MBNL2: variants seen among roughly 807,000 people sequenced by gnomAD.
The protein encoded by MBNL2 is muscleblind-like protein 2.
Under a neutral mutation model 41.9 loss-of-function variants are expected in MBNL2, and 17 were observed. The observed-to-expected ratio is 0.41, with a 90% CI of 0.28 to 0.61. MBNL2 has a LOEUF of 0.61. Ranked by LOEUF, MBNL2 falls within the 20% of genes least tolerant of loss-of-function variation. The pLI is 0.35. For missense variants in MBNL2, 336 were observed against 505.6 expected (o/e 0.66, Z 3.22); for synonymous variants, 195 against 182.9 (o/e 1.07, Z -0.53).
At chr13:97,371,908 G>A (rs1304302883) in intron 8 of MBNL2, among the ~76,000 whole-genome samples, 2 of 152,180 alleles carry the variant, frequency 1.3e-5, no homozygotes, top group African/African-American at 2.4e-5. Context: ...GTGTGGCCTC[G>A]CTGTTTGGAC....
chr13:97,345,670 A>C (rs1489189831), intron 4 of MBNL2, among the ~76,000 whole-genome samples: 2 of 151,960 alleles, frequency 1.3e-5, no homozygotes, highest in African/African-American at 4.8e-5. Context: ...GGTGTCTTAG[A>C]TATTGTTCTT....
chr13:97,241,905 T>C (rs953752554), intron 1 of MBNL2, among the ~76,000 whole-genome samples: 7 of 151,902 alleles, frequency 4.6e-5, no homozygotes, highest in Non-Finnish European at 1.0e-4. Flanking sequence ...TGCAGGAGAG[T>C]GGCATACATC....
the MBNL2 span, among the ~76,000 whole-genome samples, chr13:97,170,473 A>G: frequency 6.6e-6 from 1 of 152,210 alleles, no homozygotes; most frequent in African/African-American, 2.4e-5. Flanking sequence ...GCAGGGATAT[A>G]GACTTATTAC....
chr13:97,370,159 T>C (rs540813868), intron 8 of MBNL2, among the ~76,000 whole-genome samples: 87 of 152,274 alleles, frequency 5.7e-4, no homozygotes, highest in South Asian at 1.5e-3. Context: ...ATTTGATAGA[T>C]GGTAAAACTG....
At chr13:97,241,046 A>C (rs1449856108) in intron 1 of MBNL2, among the ~76,000 whole-genome samples, 1 of 152,196 alleles carries the variant, frequency 6.6e-6, no homozygotes, top group East Asian at 1.9e-4. Context: ...AAACACTCCC[A>C]TTATATCTGC....
rs1448504811 is a variant in MBNL2, at chr13:97,346,464, G to T, written c.541-340G>T. ...TAGATGATAGATATATGGATGGATG[G>T]ATAGACAGACAGACAGATCGATAGA... On this transcript the variant is annotated intron_variant, in intron 4 of 8. Transcript: ENST00000679496. The surrounding 1 kb of genome is among the most constrained non-coding windows in gnomAD (Gnocchi z 4.2). 6.6e-6 allele frequency among the ~76,000 whole-genome samples: 1 copy of T among 152,070 alleles called. No individual in the cohort carries two copies. The highest frequency in any genetic ancestry group is 1.5e-5 in the Non-Finnish European group (1 of 67,966).
chr13:97,210,199 T>C, the MBNL2 span, among the ~76,000 whole-genome samples: 1 of 152,244 alleles, frequency 6.6e-6, no homozygotes, highest in Non-Finnish European at 1.5e-5. Flanking sequence ...AAGTATTAGC[T>C]CAGTGATGTT....
rs2066461424 is a variant in MBNL2, at chr13:97,393,988, T to TAAAG, written c.*2542_*2545dup. 1 of 152,588 alleles carries TAAAG rather than the reference T, an allele frequency of 6.6e-6. No individual in the cohort carries two copies. Among genetic ancestry groups the TAAAG allele is most frequent in the Non-Finnish European group, 1.5e-5 (1 of 68,010 alleles). 9.5% of individuals were successfully genotyped at this position (152,588 alleles called of 1,614,324 possible). On this transcript the variant is annotated 3_prime_UTR_variant, in exon 9 of 9. Transcript: ENST00000679496. ...TTCTACTAAATCTTTCTGTAACACT[T>TAAAG]AAAGAATTCCCTCATTCATTACCTT... is the stretch of plus-strand genomic sequence containing the variant.
At chr13:97,255,647 T>C (rs764312316) in intron 1 of MBNL2, among the ~76,000 whole-genome samples, 1 of 152,256 alleles carries the variant, frequency 6.6e-6, no homozygotes, top group Non-Finnish European at 1.5e-5. Flanking sequence ...CAGCCAAATG[T>C]ATTTCAGAGA....
the MBNL2 span, among the ~76,000 whole-genome samples, chr13:97,207,610 A>G: frequency 3.3e-5 from 5 of 152,200 alleles, no homozygotes; most frequent in Non-Finnish European, 4.4e-5. Flanking sequence ...CCCTCCCACA[A>G]CAGGTGGGAA....
intron 1 of MBNL2, among the ~76,000 whole-genome samples, chr13:97,263,603 A>G (rs1295713040): frequency 6.6e-6 from 1 of 152,178 alleles, no homozygotes; most frequent in African/African-American, 2.4e-5. Context: ...CCTTGGAGCG[A>G]GGAACCAGCC....
At chr13:97,338,182 C>G (rs941113999) in intron 3 of MBNL2, among the ~76,000 whole-genome samples, 1 of 152,106 alleles carries the variant, frequency 6.6e-6, no homozygotes, top group South Asian at 2.1e-4. Context: ...GTGATCTGGT[C>G]ACGACCCTGC....
At position 97,366,516 on chromosome 13, in the gene MBNL2, C is replaced by T; in HGVS notation, c.1048+1345C>T. 6.2e-7 allele frequency: 1 copy of T among 1,613,560 alleles called. No homozygotes were observed. Among genetic ancestry groups the T allele is most frequent in the Non-Finnish European group, 8.5e-7 (1 of 1,179,562 alleles). ...GTCTCTGCAGCAACAACTCCTGCAA[C>T]AAGTGTCCCCTTCGCAGCAACAGCC... On this transcript the variant is annotated intron_variant, in intron 8 of 8. Transcript: ENST00000679496. This position sits in a 1 kb window ranked among gnomAD's most constrained non-coding sequence, Gnocchi z 4.7.
At chr13:97,327,376 A>G (rs2059986866) in intron 2 of MBNL2, among the ~76,000 whole-genome samples, 1 of 151,856 alleles carries the variant, frequency 6.6e-6, no homozygotes, top group African/African-American at 2.4e-5. Context: ...TTCCCCTTTT[A>G]CTAGATTAGG....
At chr13:97,221,642 T>C (rs2040867533), upstream of MBNL2, 2 of 151,828 alleles carry the variant, frequency 1.3e-5, no homozygotes, top group South Asian at 2.1e-4. Flanking sequence ...CTGCCAAGAG[T>C]AGAAAAGGGT....
intron 2 of MBNL2, among the ~76,000 whole-genome samples, chr13:97,305,753 A>AC (rs2058064496): frequency 1.3e-5 from 2 of 148,464 alleles, no homozygotes; most frequent in African/African-American, 2.4e-5. Context: ...TGGGCAACAG[A>AC]GGGAGACCCC....
At chr13:97,352,053 TA>T (rs1180657380) in intron 5 of MBNL2, among the ~76,000 whole-genome samples, 5 of 134,620 alleles carry the variant, frequency 3.7e-5, no homozygotes, top group East Asian at 2.3e-4. Context: ...AATAAATAAA[TA>T]AATAAATAAT....
At chr13:97,326,442 ATGT>A (rs1313996456) in intron 2 of MBNL2, among the ~76,000 whole-genome samples, 4 of 152,236 alleles carry the variant, frequency 2.6e-5, no homozygotes, top group Non-Finnish European at 4.4e-5. Context: ...TAAGTACAAA[ATGT>A]TGTGGTATTC....
intron 2 of MBNL2, among the ~76,000 whole-genome samples, chr13:97,333,778 T>C (rs932014683): frequency 6.9e-6 from 1 of 144,006 alleles, no homozygotes; most frequent in Non-Finnish European, 1.5e-5. Context: ...GACAACTGTA[T>C]AGCAAGTTCA....
Sources: allele counts gnomAD v4.1 joint callset (sites outside exome capture counted in the v4.1 genomes callset), GRCh38; gene constraint gnomAD v4.1.1; non-coding constraint Gnocchi (gnomAD v3.1); transcripts MANE v1.5; gene names NCBI Gene and HGNC (gene_info 2026-07-23, HGNC 2026-07-21).